The following SERINC5 variants were observed in gnomAD, a reference collection of about 807,000 sequenced individuals.
SERINC5 encodes chromosome 5 open reading frame 12.
A neutral mutation model predicts 63.1 loss-of-function variants in SERINC5; 41 were observed. The observed-to-expected ratio is 0.65, with a 90% CI of 0.51 to 0.84. SERINC5 has a LOEUF of 0.84. Ranked by LOEUF, SERINC5 falls within the 40% of genes least tolerant of loss-of-function variation. SERINC5 has a pLI of 0.00. For missense variants in SERINC5, 523 were observed against 573.0 expected (o/e 0.91, Z 0.89); for synonymous variants, 222 against 215.2 (o/e 1.03, Z -0.28).
At position 80,146,231 on chromosome 5, in the gene SERINC5, G is replaced by A; in HGVS notation, c.1097C>T (p.Thr366Ile). The A allele has an allele frequency of 6.2e-7, 1 of 1,613,954 alleles. No homozygotes were observed. Among genetic ancestry groups the A allele is most frequent in the Non-Finnish European group, 8.5e-7 (1 of 1,179,860 alleles). The change falls in exon 11 of 12, where the codon ACT (threonine) becomes ATT (isoleucine). Residue 366 changes from threonine to isoleucine, a missense_variant. Thr to Ile is a moderately conservative substitution (Grantham distance 89, BLOSUM62 -1). Transcript: ENST00000507668. ...CFCFSPGGED[T>I]EEQQPGKEGP... ...CTCCTTCCCCGGCTGCTGCTCTTCA[G>A]TGTCTGTGAAGCACAGAGGGAGCCC...
chr5:80,213,245 C>CAAAAAAAAAAAAGAA (rs57289084), intron 1 of SERINC5, among the ~76,000 whole-genome samples: 1 of 132,662 alleles, frequency 7.5e-6, no homozygotes, highest in Non-Finnish European at 1.6e-5. Flanking sequence ...GACTGCATCT[C>CAAAAAAAAAAAAGAA]AAAGAAAGAA....
intron 5 of SERINC5, among the ~76,000 whole-genome samples, chr5:80,170,986 CAAGAGT>C (rs1747616801): frequency 6.6e-6 from 1 of 152,140 alleles, no homozygotes; most frequent in South Asian, 2.1e-4. Flanking sequence ...CCAGTTTGGG[CAAGAGT>C]AAGACCCTGT....
At chr5:80,212,592 T>A (rs1380239425) in intron 1 of SERINC5, among the ~76,000 whole-genome samples, 2 of 142,338 alleles carry the variant, frequency 1.4e-5, no homozygotes, top group Non-Finnish European at 3.0e-5. Flanking sequence ...AATCTTCCCA[T>A]CTCAAGCTCA....
chr5:80,138,469 G>A (rs965518183), downstream of SERINC5, among the ~76,000 whole-genome samples: 1 of 152,112 alleles, frequency 6.6e-6, no homozygotes, highest in African/African-American at 2.4e-5. Context: ...GATAGCACAT[G>A]CCTGTAATCC....
In SERINC5 at chr5:80,221,769, A is replaced by G. The variant is rs78883226; in HGVS notation, c.28-18716T>C. ...TGTAAAATGCACTCCATTGGTCTAC[A>G]TTAAAAAGCAAGACAACTTTAGCAA... On this transcript the variant is annotated intron_variant, in intron 1 of 11. Transcript: ENST00000507668. 3.9e-4 allele frequency among the ~76,000 whole-genome samples: 58 copies of G among 148,608 alleles called. No homozygotes were observed. In the East Asian group the frequency reaches 8.4e-3, roughly 21 times the overall value.
At chr5:80,132,183 TAAG>T (rs1460934439) in intron 11 of SERINC5, among the ~76,000 whole-genome samples, 2 of 152,140 alleles carry the variant, frequency 1.3e-5, no homozygotes, top group Admixed American at 1.3e-4. Context: ...TTTAAACCAT[TAAG>T]TTTTAGTGTG....
At chr5:80,249,895 T>C (rs1752329449) in intron 1 of SERINC5, among the ~76,000 whole-genome samples, 3 of 152,220 alleles carry the variant, frequency 2.0e-5, no homozygotes, top group African/African-American at 7.2e-5. Flanking sequence ...ATGATATGTG[T>C]GATTTCCCTC....
At chr5:80,224,834 C>T (rs1270957130) in intron 1 of SERINC5, among the ~76,000 whole-genome samples, 1 of 151,784 alleles carries the variant, frequency 6.6e-6, no homozygotes, top group African/African-American at 2.4e-5. Context: ...CCATGTTGGT[C>T]GGGCTGGTCT....
chr5:80,177,546 G>A lies in SERINC5; in HGVS notation c.375-149C>T, dbSNP rs913540104. On this transcript the variant is annotated intron_variant, in intron 3 of 11. Coordinates refer to ENST00000507668, the MANE Select transcript of SERINC5 (RefSeq NM_001174072.3). The stretch of plus-strand genomic sequence containing the variant: ...TCAAGGGGAAGTAACTAGGTGACTT[G>A]AAGAATGCTTTTTCCCATAATTAGG... The A allele has an allele frequency of 2.3e-5, 16 of 686,996 alleles. 1 individual carries two copies. In the South Asian group the frequency reaches 2.9e-4, roughly 12 times the overall value. 42.6% of individuals were successfully genotyped at this position (686,996 alleles called of 1,614,324 possible). A position where few individuals can be genotyped will look rare whatever the true frequency, so the allele number is the denominator to read the frequency against.
intron 1 of SERINC5, among the ~76,000 whole-genome samples, chr5:80,210,066 A>AAATAG (rs1750361772): frequency 6.6e-6 from 1 of 151,670 alleles, no homozygotes; most frequent in South Asian, 2.1e-4. Flanking sequence ...AAAAGAAATA[A>AAATAG]AATAAAAGCA....
intron 7 of SERINC5, among the ~76,000 whole-genome samples, chr5:80,161,191 TTTA>T (rs1331166726): frequency 1.4e-4 from 21 of 152,068 alleles, no homozygotes; most frequent in Admixed American, 1.4e-3. Context: ...GATATAATGA[TTTA>T]TTTTCCTTTT....
chr5:80,193,701 T>C (rs903000783), intron 2 of SERINC5, among the ~76,000 whole-genome samples: 5 of 152,152 alleles, frequency 3.3e-5, no homozygotes, highest in Non-Finnish European at 7.3e-5. Context: ...AGAATATCCA[T>C]TAGTTCAAAT....
intron 11 of SERINC5, among the ~76,000 whole-genome samples, chr5:80,115,938 G>A (rs1744307425): frequency 6.6e-6 from 1 of 152,054 alleles, no homozygotes; most frequent in Non-Finnish European, 1.5e-5. Flanking sequence ...GCCTTGATAA[G>A]GAGTCCTTAA....
chr5:80,252,058 C>CT lies in SERINC5; in HGVS notation c.27+3837dup, dbSNP rs3038416. Among the ~76,000 whole-genome samples, 489 of 103,514 alleles carry CT rather than the reference C, an allele frequency of 4.7e-3. 3 individuals carry two copies. The highest frequency in any genetic ancestry group is 8.9e-3 in the South Asian group (24 of 2,708). 67.9% of individuals were successfully genotyped at this position (103,514 alleles called of 152,430 possible). A position where few individuals can be genotyped will look rare whatever the true frequency, so the allele number is the denominator to read the frequency against. ...AGCACTGTCATTTTCTTTTCTTTTC[C>CT]TTTTTTTTTTTTTTTTTTTTTTGAG... On this transcript the variant is annotated intron_variant, in intron 1 of 11. Coordinates refer to ENST00000507668, the MANE Select transcript of SERINC5 (RefSeq NM_001174072.3).
At chr5:80,237,763 A>G (rs1751761476) in intron 1 of SERINC5, among the ~76,000 whole-genome samples, 1 of 152,066 alleles carries the variant, frequency 6.6e-6, no homozygotes, top group Non-Finnish European at 1.5e-5. Context: ...GCAAGAAAAA[A>G]AAAAAGAAGT....
intron 5 of SERINC5, 58 bp from the exon 6 acceptor site, chr5:80,169,604 A>G (rs1747521133): frequency 7.1e-7 from 1 of 1,407,408 alleles, no homozygotes; most frequent in Admixed American, 2.0e-5. Context: ...AACGAAGCCC[A>G]CCATTCTGCG....
At chr5:80,223,226 G>A (rs1750993467) in intron 1 of SERINC5, among the ~76,000 whole-genome samples, 1 of 152,138 alleles carries the variant, frequency 6.6e-6, no homozygotes, top group Non-Finnish European at 1.5e-5. Flanking sequence ...CAGTATCTGC[G>A]AGGGACTGGT....
Position 80,240,762 on chromosome 5 carries a change from C to T in SERINC5, c.27+15134G>A, listed in dbSNP as rs1002430090. ...TCACTGCAGTCTCGACCTCCTCAGC[C>T]TGGCTCAAGTGATCCTCCCACCTCA... is the stretch of plus-strand genomic sequence containing the variant. On this transcript the variant is annotated intron_variant, in intron 1 of 11. Coordinates refer to ENST00000507668, the MANE Select transcript of SERINC5 (RefSeq NM_001174072.3). Among the ~76,000 whole-genome samples the T allele has an allele frequency of 3.9e-5, 6 of 152,274 alleles. No individual in the cohort carries two copies. The Middle Eastern group carries it at 0.01, about 259-fold the overall frequency.
At chr5:80,167,179 C>G (rs1747354651) in intron 6 of SERINC5, 1 of 152,014 alleles carries the variant, frequency 6.6e-6, no homozygotes, top group South Asian at 2.1e-4. Flanking sequence ...ATTTCGTCAC[C>G]CAGGTATTAA....
Sources: gnomAD v4.1 joint callset for allele counts (sites outside exome capture counted in the v4.1 genomes callset) on GRCh38, gnomAD v4.1.1 for gene constraint, MANE v1.5 for transcripts, NCBI Gene and HGNC (gene_info 2026-07-23, HGNC 2026-07-21) for gene names.